Variants in PTPRO observed in about 807,000 individuals in gnomAD.
The protein encoded by PTPRO is receptor-type tyrosine-protein phosphatase O.
PTPRO carries 62 observed loss-of-function variants against 145.2 expected under a neutral mutation model. That is an observed-to-expected ratio of 0.43 (90% CI 0.35 to 0.53). The LOEUF is 0.53. Ranked by LOEUF, PTPRO falls within the 20% of genes least tolerant of loss-of-function variation. The pLI is 0.01. For synonymous variants in PTPRO, 565 were observed against 514.7 expected, an observed-to-expected ratio of 1.10 and a Z score of -1.32; for missense variants, 1,345 against 1,482.7, an observed-to-expected ratio of 0.91 and a Z score of 1.53.
At chr12:15,530,180 C>A (rs1029183675) in intron 12 of PTPRO, among the ~76,000 whole-genome samples, 2 of 152,108 alleles carry the variant, frequency 1.3e-5, no homozygotes, top group African/African-American at 4.8e-5. Flanking sequence ...GAGGATATAA[C>A]AATTATAAAT....
rs184204957 is a variant in PTPRO, at chr12:15,349,736, T to A, written c.75+26935T>A. On this transcript the variant is annotated intron_variant, in intron 1 of 26. Coordinates refer to ENST00000281171, the MANE Select transcript of PTPRO (RefSeq NM_030667.3). ...CAGTTGTTAATCACATTAAAGCCTGTGCTTTAATTCACTCTACCATGGCAG... is the reference window on the plus strand; with the variant it reads ...CAGTTGTTAATCACATTAAAGCCTGAGCTTTAATTCACTCTACCATGGCAG... 1.0e-3 allele frequency among the ~76,000 whole-genome samples: 158 copies of A among 152,334 alleles called. 1 individual carries two copies. Among genetic ancestry groups the A allele is most frequent in the Non-Finnish European group, 1.7e-3 (114 of 68,028 alleles).
intron 1 of PTPRO, among the ~76,000 whole-genome samples, chr12:15,333,650 C>T (rs1317825322): frequency 6.6e-6 from 1 of 152,158 alleles, no homozygotes; most frequent in Non-Finnish European, 1.5e-5. Flanking sequence ...GTCTATCAGG[C>T]AGGCGCCACT....
chr12:15,516,565 G>T (rs1232751459), intron 8 of PTPRO, among the ~76,000 whole-genome samples, 198 bp from the exon 9 acceptor site: 2 of 137,904 alleles, frequency 1.5e-5, no homozygotes, highest in African/African-American at 5.3e-5. Flanking sequence ...AGAAGGAAGG[G>T]GGAGGGCAGG....
chr12:15,453,728 C>T (rs1445688785), intron 1 of PTPRO, among the ~76,000 whole-genome samples: 2 of 152,102 alleles, frequency 1.3e-5, no homozygotes, highest in Non-Finnish European at 2.9e-5. Flanking sequence ...AAAATAGGAA[C>T]TCTTCATTTT....
chr12:15,399,549 C>T (rs749018392), intron 1 of PTPRO, among the ~76,000 whole-genome samples: 1 of 152,056 alleles, frequency 6.6e-6, no homozygotes, highest in African/African-American at 2.4e-5. Flanking sequence ...AAGGCAGGGG[C>T]CATTTCTGTT....
intron 9 of PTPRO, 77 bp downstream of exon 9, chr12:15,517,033 A>C (rs1170006000): frequency 2.0e-5 from 26 of 1,300,396 alleles, no homozygotes; most frequent in Non-Finnish European, 2.9e-5. Context: ...TGTCTTTAAG[A>C]AATTATCTAT....
intron 4 of PTPRO, among the ~76,000 whole-genome samples, chr12:15,499,905 C>T (rs1398236423): frequency 1.3e-5 from 2 of 151,932 alleles, no homozygotes; most frequent in South Asian, 2.1e-4. Flanking sequence ...TGACAAGTGA[C>T]CCTATGGCAG....
intron 1 of PTPRO, among the ~76,000 whole-genome samples, chr12:15,458,046 G>A (rs577136778): frequency 6.6e-6 from 1 of 152,270 alleles, no homozygotes; most frequent in African/African-American, 2.4e-5. Flanking sequence ...AGTTCCGGTA[G>A]TGGTGAATTT....
At position 15,489,009 on chromosome 12, in the gene PTPRO, G is replaced by A. The variant is rs372239813; in HGVS notation, c.349+4762G>A. ...CTGTACACATTAAAGAATACACATA[G>A]AGACACTCTACAAATATAATATTCT... On this transcript the variant is annotated intron_variant, in intron 2 of 26. Coordinates refer to ENST00000281171, the MANE Select transcript of PTPRO (RefSeq NM_030667.3). 4.9e-4 allele frequency among the ~76,000 whole-genome samples: 74 copies of A among 152,154 alleles called. 1 individual carries two copies. In the South Asian group the frequency reaches 0.011, roughly 23 times the overall value.
At chr12:15,483,940 C>A in intron 1 of PTPRO, 34 bp from the exon 2 acceptor site, 1 of 1,601,988 alleles carries the variant, frequency 6.2e-7, no homozygotes, top group Non-Finnish European at 8.5e-7. Context: ...CTGAATATAA[C>A]CTCCATCTCT....
intron 1 of PTPRO, among the ~76,000 whole-genome samples, chr12:15,421,008 T>G (rs79106541): frequency 0.016 from 2,489 of 152,358 alleles, 62 homozygotes; most frequent in African/African-American, 0.057. Flanking sequence ...GACAGTGGTA[T>G]GCATATACTG....
At chr12:15,352,425 C>A (rs1473764726) in intron 1 of PTPRO, among the ~76,000 whole-genome samples, 2 of 151,926 alleles carry the variant, frequency 1.3e-5, no homozygotes, top group African/African-American at 4.8e-5. Context: ...CCAAGGTGGG[C>A]GGATCACGAG....
chr12:15,556,660 A>G (rs1167633783), intron 15 of PTPRO, among the ~76,000 whole-genome samples: 2 of 152,184 alleles, frequency 1.3e-5, no homozygotes, highest in African/African-American at 2.4e-5. Context: ...ACAATATAAG[A>G]GAAAGATTTT....
At chr12:15,517,621 G>A (rs1565679681) in intron 9 of PTPRO, among the ~76,000 whole-genome samples, 1 of 152,140 alleles carries the variant, frequency 6.6e-6, no homozygotes, top group African/African-American at 2.4e-5. Context: ...AGATACACTC[G>A]GGGTACAGGC....
chr12:15,524,134 G>A (rs1942786104), intron 10 of PTPRO, among the ~76,000 whole-genome samples: 2 of 139,226 alleles, frequency 1.4e-5, no homozygotes, highest in South Asian at 4.8e-4. Context: ...AGCAAGCTCA[G>A]TGTTAGAATT....
At chr12:15,471,570 A>G (rs1941543004) in intron 1 of PTPRO, among the ~76,000 whole-genome samples, 1 of 152,252 alleles carries the variant, frequency 6.6e-6, no homozygotes, top group South Asian at 2.1e-4. Context: ...GCACAGAGTA[A>G]GTATGATGTA....
intron 1 of PTPRO, among the ~76,000 whole-genome samples, chr12:15,436,428 C>T (rs1276118436): frequency 6.6e-6 from 1 of 152,152 alleles, no homozygotes; most frequent in East Asian, 1.9e-4. Context: ...ATTGCTGTGA[C>T]AGTTTTAAAC....
At chr12:15,422,126 G>A (rs926570727) in intron 1 of PTPRO, among the ~76,000 whole-genome samples, 1 of 152,084 alleles carries the variant, frequency 6.6e-6, no homozygotes, top group South Asian at 2.1e-4. Context: ...ACTTGCCCCA[G>A]GGAGTAGGAT....
Position 15,597,852 on chromosome 12 carries a change from A to C in PTPRO, c.*1779A>C, listed in dbSNP as rs529666258. Among the ~76,000 whole-genome samples, 2 of 152,296 alleles carry C rather than the reference A, an allele frequency of 1.3e-5. No individual in the cohort carries two copies. The highest frequency in any genetic ancestry group is 1.3e-4 in the Admixed American group (2 of 15,296). Reference sequence around the variant, plus strand: ...ATGTGTCGCACCATTCTCAGGAACAAACATGGTTAATGAAAGGTGGCAAAG... The same window carrying C: ...ATGTGTCGCACCATTCTCAGGAACACACATGGTTAATGAAAGGTGGCAAAG... On this transcript the variant is annotated 3_prime_UTR_variant, in exon 27 of 27. Transcript: ENST00000281171.
Sources: gnomAD v4.1 joint callset for allele counts (sites outside exome capture counted in the v4.1 genomes callset) on GRCh38, gnomAD v4.1.1 for gene constraint, MANE v1.5 for transcripts, NCBI Gene and HGNC (gene_info 2026-07-23, HGNC 2026-07-21) for gene names.